ASB14: variants seen among roughly 807,000 people sequenced by gnomAD.
ASB14 encodes ankyrin repeat and SOCS box protein 14.
A neutral mutation model predicts 55.6 loss-of-function variants in ASB14; 63 were observed. The observed-to-expected ratio is 1.13, with a 90% CI of 0.92 to 1.40. The LOEUF (loss-of-function observed/expected upper bound fraction) is 1.40. ASB14 is among the 40% of genes most tolerant of loss of function. The pLI is 0.00. For synonymous variants in ASB14, 256 were observed against 259.9 expected (o/e 0.98, Z 0.15); for missense variants, 724 against 710.4 (o/e 1.02, Z -0.22).
chr3:57,288,401 C>T, intron 3 of ASB14, 115 bp from the exon 4 acceptor site: 1 of 1,148,562 alleles, frequency 8.7e-7, no homozygotes. Context: ...AATTCTAGCA[C>T]CACCTTTTAT....
chr3:57,280,339 G>T lies in ASB14; in HGVS notation c.850C>A (p.Leu284Met). The T allele has an allele frequency of 6.4e-7, 1 of 1,550,820 alleles. No homozygotes were observed. Among genetic ancestry groups the T allele is most frequent in the Non-Finnish European group, 8.7e-7 (1 of 1,146,388 alleles). The change falls in exon 7 of 11, where the codon CTG (leucine) becomes ATG (methionine). Residue 284 changes from leucine (L) to methionine (M), a missense_variant. By Grantham distance (15) the Leu-to-Met change is conservative. Coordinates refer to ENST00000487349, the MANE Select transcript of ASB14 (RefSeq NM_001142733.3). ...CTGTCAGCTGCCACATGGATGGGCA[G>T]GTGGCCTGAATTCTTAGGGATGTTG... ...DANIPKNSGH[L>M]PIHVAADRGH...
At chr3:57,283,848 A>G (rs1579431676) in intron 5 of ASB14, among the ~76,000 whole-genome samples, 1 of 150,652 alleles carries the variant, frequency 6.6e-6, no homozygotes. Flanking sequence ...AAAAAAAAAC[A>G]AAAACAAAAA....
chr3:57,278,833 T>G lies in ASB14; in HGVS notation c.975A>C (p.Ala325=), dbSNP rs760150628. Residue 325 remains alanine (A), a synonymous_variant, in exon 8 of 11, where the codon GCA becomes GCC. Transcript: ENST00000487349. Reference sequence around the variant, plus strand: ...TGAGGAGTTCCAGGCACTGAGGATGTGCTCCTGCTGCTGCACAGTGAACTG... The same window carrying G: ...TGAGGAGTTCCAGGCACTGAGGATGGGCTCCTGCTGCTGCACAGTGAACTG... ...ISPVHCAAAG[A]HPQCLELLIQ... The G allele has an allele frequency of 6.2e-7, 1 of 1,613,698 alleles. No homozygotes were observed. The highest frequency in any genetic ancestry group is 8.5e-7 in the Non-Finnish European group (1 of 1,179,866).
At chr3:57,274,759 G>T (rs146348436) in intron 10 of ASB14, among the ~76,000 whole-genome samples, 12 of 152,228 alleles carry the variant, frequency 7.9e-5, no homozygotes, top group African/African-American at 2.9e-4. Context: ...TGCCATCGGT[G>T]AGCCTCTTCA....
chr3:57,269,534 C>T lies in ASB14; in HGVS notation c.*107G>A. ...TAACTTAGTTTCTTTTTTGTCTTTT[C>T]CACTAGGACTTGGAAGAACAAAGTC... On this transcript the variant is annotated 3_prime_UTR_variant, in exon 11 of 11. Transcript: ENST00000487349. 4 of 1,609,092 alleles carry T rather than the reference C, an allele frequency of 2.5e-6. No individual in the cohort carries two copies. Among genetic ancestry groups the T allele is most frequent in the Admixed American group, 3.4e-5 (2 of 58,966 alleles).
At position 57,277,764 on chromosome 3, in the gene ASB14, T is replaced by TA; in HGVS notation, c.1585+2dup. ...AAAGTCATTCTATGAGAAGGATACT[T>TA]ACTTAAGATAAAATGTATTTCTGAC... On this transcript the variant is annotated splice_region_variant and intron_variant, in intron 9 of 10. Transcript: ENST00000487349. 6.2e-7 allele frequency: 1 copy of TA among 1,601,744 alleles called. No individual in the cohort carries two copies. Among genetic ancestry groups the TA allele is most frequent in the Non-Finnish European group, 8.5e-7 (1 of 1,175,808 alleles).
chr3:57,278,646 T>A lies in ASB14; in HGVS notation c.1162A>T (p.Asn388Tyr), dbSNP rs1292587937. ...AGALPNQDPV[N>Y]CLQIALRMGN... ...ATCCTGAGGGCTATCTGGAGGCAGT[T>A]AACCGGGTCTTGATTAGGCAGAGCT... The change falls in exon 8 of 11, where the codon AAC (asparagine) becomes TAC (tyrosine). Residue 388 changes from asparagine (N) to tyrosine (Y), a missense_variant. By Grantham distance (143) the Asn-to-Tyr change is moderately radical. Coordinates refer to ENST00000487349, the MANE Select transcript of ASB14 (RefSeq NM_001142733.3). The A allele has an allele frequency of 6.2e-7, 1 of 1,614,226 alleles. No homozygotes were observed. Among genetic ancestry groups the A allele is most frequent in the Non-Finnish European group, 8.5e-7 (1 of 1,180,042 alleles).
At chr3:57,284,652 G>C (rs1363412537) in intron 5 of ASB14, among the ~76,000 whole-genome samples, 1 of 152,172 alleles carries the variant, frequency 6.6e-6, no homozygotes, top group Non-Finnish European at 1.5e-5. Context: ...GTTACAACAG[G>C]CTTCACAGCC....
chr3:57,277,103 TA>T (rs1309061723), intron 9 of ASB14, among the ~76,000 whole-genome samples: 1 of 152,028 alleles, frequency 6.6e-6, no homozygotes, highest in Non-Finnish European at 1.5e-5. Flanking sequence ...CCGTCTCTAT[TA>T]AAAATACAAA....
chr3:57,268,489 TATA>T lies in ASB14; in HGVS notation c.*1149_*1151del, dbSNP rs765177083. On this transcript the variant is annotated 3_prime_UTR_variant, in exon 11 of 11. Coordinates refer to ENST00000487349, the MANE Select transcript of ASB14 (RefSeq NM_001142733.3). ...AATAAACAAAAACAGATTGAAAAGG[TATA>T]CAGTCCTAATGTCTGGATCTTTATG... 14 of 1,600,932 alleles carry T rather than the reference TATA, an allele frequency of 8.7e-6. No individual in the cohort carries two copies. In the Admixed American group the frequency reaches 2.3e-4, roughly 26 times the overall value.
intron 7 of ASB14, among the ~76,000 whole-genome samples, chr3:57,279,890 T>G (rs2061024646): frequency 6.6e-6 from 1 of 152,072 alleles, no homozygotes; most frequent in Non-Finnish European, 1.5e-5. Context: ...ATCATCCACA[T>G]GTAGGACTGT....
At chr3:57,274,744 G>A (rs761417038) in intron 10 of ASB14, among the ~76,000 whole-genome samples, 9 of 152,024 alleles carry the variant, frequency 5.9e-5, no homozygotes, top group Non-Finnish European at 1.0e-4. Context: ...AAAATTTAAC[G>A]TAACTGCCAT....
intron 10 of ASB14, among the ~76,000 whole-genome samples, chr3:57,274,103 A>C (rs1199578971): frequency 6.6e-6 from 1 of 152,184 alleles, no homozygotes; most frequent in Non-Finnish European, 1.5e-5. Flanking sequence ...AAACTATAAA[A>C]ATAATTTAAA....
Position 57,280,462 on chromosome 3 carries a change from G to C in ASB14, c.727C>G (p.His243Asp). 1.3e-6 allele frequency: 2 copies of C among 1,550,672 alleles called. No individual in the cohort carries two copies. ...EMLLRKGANA[H>D]GQASDSSSIL... ...GAAGAAGAATCAGAGGCCTGACCAT[G>C]AGCATTAGCTCCTAAGAGGAGAAAG... Residue 243 changes from histidine (H) to aspartate (D), a missense_variant, in exon 7 of 11, where the codon CAT (histidine) becomes GAT (aspartate). Transcript: ENST00000487349.
intron 10 of ASB14, among the ~76,000 whole-genome samples, chr3:57,275,680 A>T (rs2060980153): frequency 6.6e-6 from 1 of 152,068 alleles, no homozygotes; most frequent in Non-Finnish European, 1.5e-5. Context: ...CTACTGAGAG[A>T]TGTGTTTTTA....
chr3:57,278,685 G>A lies in ASB14; in HGVS notation c.1123C>T (p.Leu375Phe). 1 of 1,614,186 alleles carries A rather than the reference G, an allele frequency of 6.2e-7. No individual in the cohort carries two copies. Among genetic ancestry groups the A allele is most frequent in the South Asian group, 1.1e-5 (1 of 91,078 alleles). Reference protein sequence around the residue: ...SNSDLSSVKLLLSAGALPNQD... With the variant: ...SNSDLSSVKLFLSAGALPNQD... ...TTAGGCAGAGCTCCAGCACTCAGAA[G>A]CAGCTTGACTGAAGAGAGGTCACTG... The change falls in exon 8 of 11, where the codon CTT becomes TTT. Residue 375 changes from leucine to phenylalanine, a missense_variant. Leu to Phe is a conservative substitution (Grantham distance 22). Transcript: ENST00000487349.
At chr3:57,283,485 C>G (rs746763129) in intron 5 of ASB14, 46 bp from the exon 6 acceptor site, 108 of 1,515,924 alleles carry the variant, frequency 7.1e-5, no homozygotes, top group Non-Finnish European at 9.3e-5. Flanking sequence ...GGAAGTTAAG[C>G]CCAAAGTAGC....
intron 7 of ASB14, 139 bp downstream of exon 7, chr3:57,280,163 C>CA (rs138493152): frequency 0.3 from 63,949 of 214,292 alleles, 7,187 homozygotes; most frequent in African/African-American, 0.38. Flanking sequence ...GACAGCATCT[C>CA]AAAAAAAAAA....
chr3:57,288,411 T>C, intron 3 of ASB14, 125 bp from the exon 4 acceptor site: 1 of 1,077,354 alleles, frequency 9.3e-7, no homozygotes, highest in South Asian at 1.6e-5. Flanking sequence ...CCACCTTTTA[T>C]GAAAGACAAA....
Sources: gnomAD v4.1 joint callset for allele counts (sites outside exome capture counted in the v4.1 genomes callset) on GRCh38, gnomAD v4.1.1 for gene constraint, MANE v1.5 for transcripts, NCBI Gene and HGNC (gene_info 2026-07-23, HGNC 2026-07-21) for gene names.